Variants in PTGFRN observed in about 807,000 individuals in gnomAD.
PTGFRN encodes prostaglandin F2 receptor negative regulator.
A neutral mutation model predicts 83.2 loss-of-function variants in PTGFRN; 35 were observed. That is an observed-to-expected ratio of 0.42 (90% CI 0.32 to 0.56). PTGFRN has a LOEUF of 0.56. Ranked by LOEUF, PTGFRN falls within the 20% of genes least tolerant of loss-of-function variation. The pLI, the probability that PTGFRN is intolerant of heterozygous loss-of-function variation, is 0.11. For synonymous variants in PTGFRN, 519 were observed against 498.6 expected, an observed-to-expected ratio of 1.04 and a Z score of -0.55; for missense variants, 1,051 against 1,179.5, an observed-to-expected ratio of 0.89 and a Z score of 1.60.
chr1:116,942,066 A>G lies in PTGFRN; in HGVS notation c.401A>G (p.Asp134Gly). 6.2e-7 allele frequency: 1 copy of G among 1,613,620 alleles called. No individual in the cohort carries two copies. Among genetic ancestry groups the G allele is most frequent in the Non-Finnish European group, 8.5e-7 (1 of 1,179,616 alleles). The change falls in exon 2 of 9, where the codon GAC becomes GGC. Residue 134 changes from aspartate (D) to glycine (G), a missense_variant. Around this residue, in one of 3 missense-constraint regions of PTGFRN, gnomAD observed 205 missense variants for 174.5 expected, o/e 1.17. Coordinates refer to ENST00000393203, the MANE Select transcript of PTGFRN (RefSeq NM_020440.4). ...GCCACTGTCCAGGGAAACTATGAGG[A>G]CACAGTGCAGGTTAAAGGTACAGTC... Reference protein sequence around the residue: ...TDATVQGNYEDTVQVKVLADS... With the variant: ...TDATVQGNYEGTVQVKVLADS...
At chr1:116,963,751 G>A (rs945760140) in intron 5 of PTGFRN, among the ~76,000 whole-genome samples, 8 of 151,748 alleles carry the variant, frequency 5.3e-5, no homozygotes, top group African/African-American at 1.9e-4. Context: ...GGGACTGCGG[G>A]TGCTCACCAC....
At chr1:116,919,391 C>T (rs1233919553) in intron 1 of PTGFRN, among the ~76,000 whole-genome samples, 2 of 152,080 alleles carry the variant, frequency 1.3e-5, no homozygotes, top group Non-Finnish European at 2.9e-5. Flanking sequence ...CCAGGCACTA[C>T]GCTTTTCTTT....
chr1:116,912,566 T>A (rs1169014662), intron 1 of PTGFRN, among the ~76,000 whole-genome samples: 1 of 152,238 alleles, frequency 6.6e-6, no homozygotes, highest in African/African-American at 2.4e-5. Flanking sequence ...TTCCTGTTTC[T>A]ACGGCTACTG....
intron 1 of PTGFRN, among the ~76,000 whole-genome samples, chr1:116,920,003 AC>A (rs1649500831): frequency 6.6e-6 from 1 of 152,106 alleles, no homozygotes; most frequent in Non-Finnish European, 1.5e-5. Flanking sequence ...GTTCATGCTG[AC>A]CCCTGCTGTT....
chr1:116,959,811 T>TA (rs959302882), intron 4 of PTGFRN, among the ~76,000 whole-genome samples: 3 of 151,932 alleles, frequency 2.0e-5, no homozygotes, highest in African/African-American at 4.8e-5. Flanking sequence ...CTGTCTCTAC[T>TA]AAAAAAATGC....
At chr1:116,947,315 C>T (rs754858375) in intron 3 of PTGFRN, among the ~76,000 whole-genome samples, 39 of 152,214 alleles carry the variant, frequency 2.6e-4, no homozygotes, top group Non-Finnish European at 2.8e-4. Context: ...CAAACTTTGT[C>T]TGATTTATGG....
chr1:116,942,386 A>G (rs1204682552), intron 2 of PTGFRN, among the ~76,000 whole-genome samples: 1 of 152,138 alleles, frequency 6.6e-6, no homozygotes, highest in African/African-American at 2.4e-5. Flanking sequence ...CTGGCTCTGG[A>G]GCCAGGTTGC....
chr1:116,961,320 G>A lies in PTGFRN; in HGVS notation c.1291G>A (p.Val431Met). Residue 431 changes from valine (V) to methionine (M), a missense_variant, in exon 5 of 9, where the codon GTG (valine) becomes ATG (methionine). Coordinates refer to ENST00000393203, the MANE Select transcript of PTGFRN (RefSeq NM_020440.4). This position sits in a 1 kb window ranked among gnomAD's most constrained non-coding sequence, Gnocchi z 5.4. ...TGACCCCACAGAGCTGGCATGCCGG[G>A]TGGTGGACACGAAGAGTGGGGAGGC... is the stretch of plus-strand genomic sequence containing the variant. ...ADDPTELACR[V>M]VDTKSGEANV... is the part of the protein sequence containing the mutation. The A allele has an allele frequency of 6.4e-7, 1 of 1,566,442 alleles. No individual in the cohort carries two copies. The highest frequency in any genetic ancestry group is 8.7e-7 in the Non-Finnish European group (1 of 1,153,714).
Position 116,981,085 on chromosome 1 carries a change from G to A in PTGFRN, c.2168-3595G>A, listed in dbSNP as rs75567925. ...TTAGCATTGCCAACAGGATGCCTAA[G>A]AGTTGTGGGACCCATCAGTCTTACT... On this transcript the variant is annotated intron_variant, in intron 7 of 8. Coordinates refer to ENST00000393203, the MANE Select transcript of PTGFRN (RefSeq NM_020440.4). Among the ~76,000 whole-genome samples the A allele has an allele frequency of 8.7e-3, 1,325 of 152,300 alleles. 7 individuals carry two copies. Among genetic ancestry groups the A allele is most frequent in the Middle Eastern group, 0.02 (6 of 294 alleles).
In PTGFRN at chr1:116,987,064, A is replaced by C; in HGVS notation, c.*97A>C. 7.0e-7 allele frequency: 1 copy of C among 1,433,682 alleles called. No homozygotes were observed. The highest frequency in any genetic ancestry group is 9.6e-7 in the Non-Finnish European group (1 of 1,046,244). 88.8% of individuals were successfully genotyped at this position (1,433,682 alleles called of 1,614,324 possible). A position where few individuals can be genotyped will look rare whatever the true frequency, so the allele number is the denominator to read the frequency against. ...TAAAACAAAGTGTGTTACACTAAAA[A>C]CCAGTCCTCTCTAATCTCAGGTGGG... is the stretch of plus-strand genomic sequence containing the variant. On this transcript the variant is annotated 3_prime_UTR_variant, in exon 9 of 9. Coordinates refer to ENST00000393203, the MANE Select transcript of PTGFRN (RefSeq NM_020440.4).
intron 4 of PTGFRN, among the ~76,000 whole-genome samples, chr1:116,960,573 G>A (rs1650622681): frequency 6.6e-6 from 1 of 152,232 alleles, no homozygotes; most frequent in Non-Finnish European, 1.5e-5. Flanking sequence ...CAGTGACACA[G>A]GTGAGTTACA....
chr1:116,938,644 C>T (rs747137961), intron 1 of PTGFRN, among the ~76,000 whole-genome samples: 3 of 152,130 alleles, frequency 2.0e-5, no homozygotes, highest in African/African-American at 7.2e-5. Context: ...TAATTCTGCC[C>T]CTGGCTCCTC....
At chr1:116,928,381 TC>T (rs1420780919) in intron 1 of PTGFRN, among the ~76,000 whole-genome samples, 3 of 152,218 alleles carry the variant, frequency 2.0e-5, no homozygotes, top group Non-Finnish European at 4.4e-5. Flanking sequence ...TTCTTCCTTT[TC>T]AGTCCATCAG....
chr1:116,942,369 T>C (rs1242302895), intron 2 of PTGFRN, among the ~76,000 whole-genome samples: 1 of 152,148 alleles, frequency 6.6e-6, no homozygotes, highest in Non-Finnish European at 1.5e-5. Flanking sequence ...GATGCGGTGG[T>C]GGAGAGCTGG....
chr1:116,925,759 A>C (rs530626401), intron 1 of PTGFRN, among the ~76,000 whole-genome samples: 1 of 152,302 alleles, frequency 6.6e-6, no homozygotes, highest in South Asian at 2.1e-4. Flanking sequence ...ATAAGTCAAC[A>C]TACTGTTTCA....
At chr1:116,976,212 A>G (rs1351409452) in intron 7 of PTGFRN, among the ~76,000 whole-genome samples, 3 of 152,216 alleles carry the variant, frequency 2.0e-5, no homozygotes, top group East Asian at 1.9e-4. Flanking sequence ...TCCAAGAAAT[A>G]TGGGACTATG....
rs1650155173 is a variant in PTGFRN, at chr1:116,944,909, A to G, written c.649A>G (p.Ser217Gly). ...PGLGYEQRYHSGDVRLDTVGS... is the reference protein window; with the variant it reads ...PGLGYEQRYHGGDVRLDTVGS... Reference sequence around the variant, plus strand: ...CCTGGGGTACGAGCAGCGCTACCACAGTGGGGACGTGCGCCTCGACACCGT... The same window carrying G: ...CCTGGGGTACGAGCAGCGCTACCACGGTGGGGACGTGCGCCTCGACACCGT... The change falls in exon 3 of 9, where the codon AGT becomes GGT. Residue 217 changes from serine to glycine, a missense_variant. Physicochemically the swap from Ser to Gly is moderately conservative, Grantham distance 56. This residue lies in a region of PTGFRN where 205 missense variants were observed against 174.5 expected (regional missense o/e 1.17). Transcript: ENST00000393203. The G allele has an allele frequency of 1.2e-6, 2 of 1,612,452 alleles. No individual in the cohort carries two copies. Among genetic ancestry groups the G allele is most frequent in the Non-Finnish European group, 8.5e-7 (1 of 1,179,942 alleles).
At chr1:116,979,474 T>C (rs1244354445) in intron 7 of PTGFRN, among the ~76,000 whole-genome samples, 5 of 152,140 alleles carry the variant, frequency 3.3e-5, no homozygotes, top group Admixed American at 6.5e-5. Context: ...CAAACTATAC[T>C]ACAAGGCTGC....
intron 1 of PTGFRN, among the ~76,000 whole-genome samples, chr1:116,920,064 C>A (rs534433286): frequency 2.0e-5 from 3 of 152,380 alleles, no homozygotes; most frequent in African/African-American, 7.2e-5. Flanking sequence ...ATCTTCTGAG[C>A]ACTCCTTATA....
Sources: gnomAD v4.1 joint callset for allele counts (sites outside exome capture counted in the v4.1 genomes callset) on GRCh38, gnomAD v4.1.1 for gene constraint, gnomAD v4.1.1 regional missense constraint, Gnocchi (gnomAD v3.1) non-coding constraint, MANE v1.5 for transcripts, NCBI Gene and HGNC (gene_info 2026-07-23, HGNC 2026-07-21) for gene names.